Variants in CRACD observed in about 807,000 individuals in gnomAD.
CRACD encodes the protein capping protein-inhibiting regulator of actin dynamics.
CRACD carries 56 observed loss-of-function variants against 106.8 expected under a neutral mutation model. The ratio of observed to expected loss-of-function variants is 0.52; its 90% CI spans 0.42 to 0.66. The LOEUF (loss-of-function observed/expected upper bound fraction) is 0.66, where lower values mean the gene tolerates loss of function less well. Among genes scored for constraint, CRACD ranks in the 30% least tolerant of loss-of-function variants. The pLI is 0.00. For synonymous variants in CRACD, 754 were observed against 670.8 expected (o/e 1.12, Z -1.92); for missense variants, 1,730 against 1,623.2 (o/e 1.07, Z -1.13).
At chr4:56,081,374 TTGTG>T (rs1733021580) in intron 1 of CRACD, among the ~76,000 whole-genome samples, 1 of 152,190 alleles carries the variant, frequency 6.6e-6, no homozygotes, top group African/African-American at 2.4e-5. Context: ...AAAAGCATTT[TTGTG>T]TGTGTGTTGT....
At chr4:56,300,457 A>G (rs1744304685) in intron 4 of CRACD, among the ~76,000 whole-genome samples, 1 of 152,204 alleles carries the variant, frequency 6.6e-6, no homozygotes, top group Non-Finnish European at 1.5e-5. Context: ...AACACTTTTT[A>G]TAGAAAAAGC....
chr4:56,250,115 TC>T (rs1740962112), intron 2 of CRACD, among the ~76,000 whole-genome samples: 1 of 152,204 alleles, frequency 6.6e-6, no homozygotes, highest in Non-Finnish European at 1.5e-5. Flanking sequence ...ATATTCTTTT[TC>T]CTCTTTATTT....
intron 2 of CRACD, among the ~76,000 whole-genome samples, chr4:56,251,480 G>A (rs1182674071): frequency 2.6e-5 from 4 of 152,166 alleles, no homozygotes; most frequent in Non-Finnish European, 5.9e-5. Flanking sequence ...TGAAAGTGAA[G>A]CATATATGAA....
chr4:56,049,759 T>C (rs1245159347), intron 1 of CRACD: 1 of 152,250 alleles, frequency 6.6e-6, no homozygotes, highest in Non-Finnish European at 1.5e-5. Flanking sequence ...TTGTTTAACC[T>C]CTGCCAGACC....
intron 2 of CRACD, among the ~76,000 whole-genome samples, chr4:56,249,761 A>C (rs1740940730): frequency 6.6e-6 from 1 of 152,116 alleles, no homozygotes; most frequent in Non-Finnish European, 1.5e-5. Flanking sequence ...CATTATTAGG[A>C]AATAGTTTGG....
At chr4:56,292,715 A>G (rs1743771375) in intron 3 of CRACD, among the ~76,000 whole-genome samples, 1 of 152,214 alleles carries the variant, frequency 6.6e-6, no homozygotes, top group African/African-American at 2.4e-5. Context: ...TAGTAGAGAC[A>G]GGGTTTCACC....
chr4:56,296,302 T>C lies in CRACD; in HGVS notation c.-16-1912T>C, dbSNP rs75265155. Among the ~76,000 whole-genome samples, 284 of 152,216 alleles carry C rather than the reference T, an allele frequency of 1.9e-3. 1 individual carries two copies. The highest frequency in any genetic ancestry group is 6.5e-3 in the African/African-American group (269 of 41,514). On this transcript the variant is annotated intron_variant, in intron 3 of 10. Coordinates refer to ENST00000682029, the MANE Select transcript of CRACD (RefSeq NM_001393381.1). ...CAAGATGGTGATGATGGGGATTAAA[T>C]GAGATAATGAAAGTAAAACTCCACA...
intron 1 of CRACD, among the ~76,000 whole-genome samples, chr4:56,061,684 T>C (rs1732284229): frequency 6.6e-6 from 1 of 152,160 alleles, no homozygotes; most frequent in Non-Finnish European, 1.5e-5. Flanking sequence ...AAGTATATAA[T>C]ATACCATCAG....
chr4:56,305,279 T>C (rs1744617275), intron 4 of CRACD, among the ~76,000 whole-genome samples: 1 of 152,146 alleles, frequency 6.6e-6, no homozygotes, highest in African/African-American at 2.4e-5. Flanking sequence ...ATCTCAGCAT[T>C]GGTAAAAAGC....
intron 8 of CRACD, among the ~76,000 whole-genome samples, chr4:56,319,260 T>C (rs1745890703): frequency 6.6e-6 from 1 of 152,112 alleles, no homozygotes; most frequent in South Asian, 2.1e-4. Flanking sequence ...ACATGGCCTT[T>C]GAATATATGG....
intron 1 of CRACD, among the ~76,000 whole-genome samples, chr4:56,074,831 A>G (rs961428046): frequency 2.0e-5 from 3 of 152,144 alleles, no homozygotes; most frequent in African/African-American, 7.2e-5. Flanking sequence ...TTTGTCATGA[A>G]TAGCTCTTAT....
chr4:56,177,808 T>C (rs1037176904), intron 1 of CRACD, among the ~76,000 whole-genome samples: 21 of 152,194 alleles, frequency 1.4e-4, no homozygotes, highest in Non-Finnish European at 2.5e-4. Context: ...CAATTGTTCA[T>C]AATAGTCTCT....
chr4:56,157,348 T>A (rs1735797083), intron 1 of CRACD, among the ~76,000 whole-genome samples: 1 of 152,032 alleles, frequency 6.6e-6, no homozygotes, highest in Non-Finnish European at 1.5e-5. Context: ...TACTAAACGA[T>A]GAGGTTGTTA....
intron 1 of CRACD, among the ~76,000 whole-genome samples, chr4:56,165,543 T>G (rs187340832): frequency 1.3e-5 from 2 of 152,302 alleles, no homozygotes; most frequent in South Asian, 2.1e-4. Context: ...AGTCCATGCT[T>G]TTAGCTACAT....
chr4:56,253,802 T>C (rs1162075603), intron 2 of CRACD, among the ~76,000 whole-genome samples: 2 of 152,214 alleles, frequency 1.3e-5, no homozygotes, highest in Non-Finnish European at 2.9e-5. Context: ...AAGGGTTGCA[T>C]AGCTAACACG....
At chr4:56,121,484 A>G (rs2068544181) in intron 1 of CRACD, among the ~76,000 whole-genome samples, 1 of 152,102 alleles carries the variant, frequency 6.6e-6, no homozygotes, top group Non-Finnish European at 1.5e-5. Context: ...TCTCTACTAA[A>G]AATTCAAAAA....
rs1267087805 is a variant in CRACD, at chr4:56,315,739, G to A, written c.2237G>A (p.Arg746Gln). 1.9e-6 allele frequency: 3 copies of A among 1,614,206 alleles called. No individual in the cohort carries two copies. The highest frequency in any genetic ancestry group is 2.2e-5 in the South Asian group (2 of 91,084). Residue 746 changes from arginine to glutamine, a missense_variant, in exon 8 of 11, where the codon CGA becomes CAA. Arg to Gln is a conservative substitution (Grantham distance 43). Around this residue, in one of 5 missense-constraint regions of CRACD, gnomAD observed 1,620 missense variants for 1,481.6 expected, o/e 1.09. Transcript: ENST00000682029. This position sits in a 1 kb window ranked among gnomAD's most constrained non-coding sequence, Gnocchi z 4.1. The part of the protein sequence containing the change: ...SKQSTEAESI[R>Q]KRPMLGPSEE... ...CAGAGCACGGAAGCTGAAAGCATAC[G>A]AAAAAGACCCATGCTGGGACCCAGC...
chr4:56,091,503 A>G (rs1733424872), intron 1 of CRACD, among the ~76,000 whole-genome samples: 1 of 152,068 alleles, frequency 6.6e-6, no homozygotes, highest in Non-Finnish European at 1.5e-5. Context: ...CCCATAAATG[A>G]TCATTTAACT....
At chr4:56,286,203 G>A (rs575569612) in intron 3 of CRACD, among the ~76,000 whole-genome samples, 7 of 152,126 alleles carry the variant, frequency 4.6e-5, no homozygotes, top group Admixed American at 3.3e-4. Context: ...GACCAGCCTG[G>A]CCAACATGGC....
Sources: gnomAD v4.1 joint callset for allele counts (sites outside exome capture counted in the v4.1 genomes callset) on GRCh38, gnomAD v4.1.1 for gene constraint, gnomAD v4.1.1 regional missense constraint, Gnocchi (gnomAD v3.1) non-coding constraint, MANE v1.5 for transcripts, NCBI Gene and HGNC (gene_info 2026-07-23, HGNC 2026-07-21) for gene names.